The following TGFA variants were observed in gnomAD, a reference collection of about 807,000 sequenced individuals.
TGFA encodes the protein protransforming growth factor alpha.
In TGFA, 12 loss-of-function variants were observed where a neutral mutation model predicts 21.7. The observed-to-expected ratio is 0.55, with a 90% CI of 0.35 to 0.90. The LOEUF (loss-of-function observed/expected upper bound fraction) is 0.90. Ranked by LOEUF, TGFA falls within the 40% of genes least tolerant of loss-of-function variation. TGFA has a pLI of 0.01. For missense variants in TGFA, 178 were observed against 210.8 expected (o/e 0.84, Z 0.96); for synonymous variants, 79 against 88.1 (o/e 0.90, Z 0.58).
chr2:70,523,510 T>C (rs1319677626), intron 1 of TGFA, among the ~76,000 whole-genome samples: 1 of 152,184 alleles, frequency 6.6e-6, no homozygotes, highest in Non-Finnish European at 1.5e-5. Context: ...CACTAACTCC[T>C]TCTCTTCTGC....
chr2:70,553,642 GA>G, intron 1 of TGFA, 85 bp downstream of exon 1: 1 of 1,307,690 alleles, frequency 7.6e-7, no homozygotes. Context: ...GGCGGGCGCA[GA>G]AACCCCCGGA....
intron 4 of TGFA, among the ~76,000 whole-genome samples, chr2:70,453,963 C>A (rs188902519): frequency 1.3e-4 from 19 of 151,814 alleles, no homozygotes; most frequent in Non-Finnish European, 1.5e-5. Context: ...AGGCTCCTGC[C>A]TCCCTCTGTG....
At chr2:70,504,975 TA>T (rs1671875316) in intron 2 of TGFA, among the ~76,000 whole-genome samples, 1 of 152,188 alleles carries the variant, frequency 6.6e-6, no homozygotes, top group Non-Finnish European at 1.5e-5. Context: ...TTGCCAACTG[TA>T]AAATGGAGCT....
At chr2:70,460,514 G>C (rs533676646) in intron 3 of TGFA, among the ~76,000 whole-genome samples, 209 of 152,300 alleles carry the variant, frequency 1.4e-3, no homozygotes, top group Admixed American at 2.5e-3. Context: ...TCCAGCTGCT[G>C]TTCTCTCCTT....
intron 2 of TGFA, among the ~76,000 whole-genome samples, chr2:70,480,762 G>C (rs151040974): frequency 9.6e-4 from 146 of 152,182 alleles, no homozygotes; most frequent in African/African-American, 3.4e-3. Context: ...ACTGATTTCC[G>C]TTGGTGGATA....
At chr2:70,466,816 A>G (rs782478462) in intron 2 of TGFA, among the ~76,000 whole-genome samples, 2 of 152,234 alleles carry the variant, frequency 1.3e-5, no homozygotes, top group Non-Finnish European at 2.9e-5. Flanking sequence ...GGTAAAGAAA[A>G]TGTAATACAT....
chr2:70,545,442 A>G (rs1673272044), intron 1 of TGFA, among the ~76,000 whole-genome samples: 1 of 152,136 alleles, frequency 6.6e-6, no homozygotes, highest in South Asian at 2.1e-4. Context: ...AACCGGTTTT[A>G]GTTGTTTTAA....
chr2:70,498,750 C>T (rs17005737), intron 2 of TGFA, among the ~76,000 whole-genome samples: 8,530 of 152,080 alleles, frequency 0.056, 277 homozygotes, highest in Middle Eastern at 0.1. Context: ...TGTATAATGG[C>T]CAGTATTTGT....
chr2:70,547,980 C>A (rs1673369238), intron 1 of TGFA, among the ~76,000 whole-genome samples: 1 of 151,830 alleles, frequency 6.6e-6, no homozygotes, highest in South Asian at 2.1e-4. Context: ...CATGAAAACA[C>A]TCTCTTACAC....
chr2:70,461,383 G>T (rs1295817159), intron 3 of TGFA, among the ~76,000 whole-genome samples: 1 of 152,196 alleles, frequency 6.6e-6, no homozygotes. Flanking sequence ...TCTCTGGGGA[G>T]GCGCCACCTT....
At chr2:70,533,860 T>C (rs2103911606) in intron 1 of TGFA, among the ~76,000 whole-genome samples, 1 of 150,914 alleles carries the variant, frequency 6.6e-6, no homozygotes, top group East Asian at 1.9e-4. Context: ...GACAGATGTT[T>C]AAAATCCACA....
At chr2:70,521,617 G>GTTTTTTTTTTTTTTTTT (rs35177436) in intron 1 of TGFA, among the ~76,000 whole-genome samples, 37 of 87,092 alleles carry the variant, frequency 4.2e-4, no homozygotes, top group South Asian at 1.5e-3. Flanking sequence ...TTGTTTGTTT[G>GTTTTTTTTTTTTTTTTT]TTTTTTTTTT....
intron 3 of TGFA, among the ~76,000 whole-genome samples, chr2:70,457,734 G>T (rs371924852): frequency 2.0e-5 from 3 of 152,106 alleles, no homozygotes; most frequent in East Asian, 3.9e-4. Context: ...TAGAGACGGG[G>T]TTTCACCATG....
intron 1 of TGFA, among the ~76,000 whole-genome samples, chr2:70,543,527 A>C (rs1574149977): frequency 2.4e-5 from 1 of 41,838 alleles, no homozygotes; most frequent in African/African-American, 8.7e-5. Flanking sequence ...CTCTGTCTCA[A>C]AAAAAAAAAA....
chr2:70,508,164 G>C (rs1042099760), intron 2 of TGFA, among the ~76,000 whole-genome samples: 6 of 152,218 alleles, frequency 3.9e-5, no homozygotes, highest in African/African-American at 1.4e-4. Flanking sequence ...GACTAGGAGG[G>C]CTGGGCATGG....
At chr2:70,470,646 G>A (rs556540561) in intron 2 of TGFA, among the ~76,000 whole-genome samples, 1 of 152,322 alleles carries the variant, frequency 6.6e-6, no homozygotes, top group South Asian at 2.1e-4. Context: ...AAGCTGTGAA[G>A]AAGCTCCATG....
At chr2:70,553,113 A>G in intron 1 of TGFA, 1 of 1,492,086 alleles carries the variant, frequency 6.7e-7, no homozygotes, top group South Asian at 1.2e-5. Context: ...CCCTCGGCGG[A>G]CACCGAAACC....
rs1553489938 is a variant in TGFA, at chr2:70,453,208, G to C, written c.475+10C>G. ...CAATAGTGTCTCCCACCAGAGAAGA[G>C]TCTCCTTACCTGTTTCTGAGTGGCA... On this transcript the variant is annotated intron_variant, in intron 5 of 5. Transcript: ENST00000295400. 1 of 1,610,494 alleles carries C rather than the reference G, an allele frequency of 6.2e-7. No individual in the cohort carries two copies. Among genetic ancestry groups the C allele is most frequent in the African/African-American group, 1.3e-5 (1 of 74,862 alleles).
At chr2:70,457,337 C>G (rs1197600648) in intron 3 of TGFA, among the ~76,000 whole-genome samples, 2 of 152,150 alleles carry the variant, frequency 1.3e-5, no homozygotes, top group Non-Finnish European at 2.9e-5. Context: ...GGGATGTGCC[C>G]TGGCCATAAG....
Sources: gnomAD v4.1 joint callset for allele counts (sites outside exome capture counted in the v4.1 genomes callset) on GRCh38, gnomAD v4.1.1 for gene constraint, MANE v1.5 for transcripts, NCBI Gene and HGNC (gene_info 2026-07-23, HGNC 2026-07-21) for gene names.